Variants in CTNNA1 observed in about 807,000 individuals in gnomAD.
The protein encoded by CTNNA1 is catenin alpha-1.
In CTNNA1, 37 loss-of-function variants were observed where a neutral mutation model predicts 98.4. The observed-to-expected ratio is 0.38, with a 90% CI of 0.29 to 0.49. The LOEUF is 0.49. CTNNA1 is among the 20% of genes least tolerant of loss of function. CTNNA1 has a pLI of 0.95. For synonymous variants in CTNNA1, 404 were observed against 413.2 expected (o/e 0.98, Z 0.27); for missense variants, 761 against 1,147.2 (o/e 0.66, Z 4.86).
At chr5:138,896,734 G>T (rs183977011) in intron 9 of CTNNA1, among the ~76,000 whole-genome samples, 23 of 152,254 alleles carry the variant, frequency 1.5e-4, no homozygotes, top group African/African-American at 5.5e-4. Flanking sequence ...CAAGGCCATG[G>T]TAAGGATAAC....
rs768694121 is a variant in CTNNA1, at chr5:138,873,339, C to T, written c.1063-12873C>T. The T allele has an allele frequency of 1.6e-5, 26 of 1,613,910 alleles. No homozygotes were observed. Among genetic ancestry groups the T allele is most frequent in the Middle Eastern group, 3.3e-4 (2 of 6,084 alleles). ...TTGTCTGGTTCAGGAAAGTGTTCCT[C>T]GGTAGTAACTGCTATGCCTGCAGTA... On this transcript the variant is annotated intron_variant, in intron 7 of 17. Coordinates refer to ENST00000302763, the MANE Select transcript of CTNNA1 (RefSeq NM_001903.5). This position sits in a 1 kb window ranked among gnomAD's most constrained non-coding sequence, Gnocchi z 6.1.
intron 7 of CTNNA1, among the ~76,000 whole-genome samples, chr5:138,850,586 CTT>C (rs1433174411): frequency 6.6e-6 from 1 of 152,068 alleles, no homozygotes; most frequent in East Asian, 1.9e-4. Flanking sequence ...TGTTAGATCT[CTT>C]TATACTTCAT....
intron 9 of CTNNA1, among the ~76,000 whole-genome samples, chr5:138,901,139 G>GCTCCC (rs371374989): frequency 2.6e-5 from 4 of 151,714 alleles, no homozygotes; most frequent in South Asian, 2.1e-4. Flanking sequence ...CTTCTCTTCC[G>GCTCCC]CTCCCCTCCC....
At chr5:138,808,291 G>A (rs1042545124) in intron 3 of CTNNA1, among the ~76,000 whole-genome samples, 2 of 152,074 alleles carry the variant, frequency 1.3e-5, no homozygotes, top group African/African-American at 4.8e-5. Context: ...AGCTCCAGTA[G>A]GGTATGCCCT....
At chr5:138,917,348 A>G (rs1338899811) in intron 10 of CTNNA1, among the ~76,000 whole-genome samples, 1 of 152,246 alleles carries the variant, frequency 6.6e-6, no homozygotes, top group Non-Finnish European at 1.5e-5. Context: ...TTTTAAACAT[A>G]TATTTAATGA....
intron 10 of CTNNA1, among the ~76,000 whole-genome samples, chr5:138,916,416 CAA>C (rs966509055): frequency 6.9e-6 from 1 of 145,622 alleles, no homozygotes; most frequent in East Asian, 2.0e-4. Flanking sequence ...TTTTTGGAGA[CAA>C]GAGTCGTCCT....
intron 10 of CTNNA1, among the ~76,000 whole-genome samples, chr5:138,916,066 C>G (rs145825131): frequency 1.3e-5 from 2 of 151,064 alleles, no homozygotes; most frequent in East Asian, 3.9e-4. Context: ...AACACACACA[C>G]ACACTAAGTG....
At chr5:138,932,523 C>T (rs140954163) in intron 16 of CTNNA1, 55 bp from the exon 17 acceptor site, 26 of 1,600,086 alleles carry the variant, frequency 1.6e-5, no homozygotes, top group Middle Eastern at 1.7e-4. Context: ...GCCGTGGGGT[C>T]GGGGGTGCTT....
chr5:138,924,467 T>C lies in CTNNA1; in HGVS notation c.1547-43T>C, dbSNP rs375700433. On this transcript the variant is annotated intron_variant, in intron 11 of 17. Coordinates refer to ENST00000302763, the MANE Select transcript of CTNNA1 (RefSeq NM_001903.5). ...CCAGCTTACAGTTGCCACCTTTTCA[T>C]AGAAAGCCTCCTTCCTCATTCAACT... 3.2e-4 allele frequency: 518 copies of C among 1,603,000 alleles called. 3 individuals are homozygous for C. Among genetic ancestry groups the C allele is most frequent in the South Asian group, 1.6e-3 (140 of 89,710 alleles).
chr5:138,812,347 A>G lies in CTNNA1; in HGVS notation c.588+45A>G, dbSNP rs28363396. 9.6e-3 allele frequency: 15,140 copies of G among 1,582,918 alleles called. 160 individuals carry two copies. Among genetic ancestry groups the G allele is most frequent in the East Asian group, 0.045 (1,987 of 44,472 alleles). The stretch of plus-strand genomic sequence containing the variant: ...ATATATTAAAGTTGTTCATTTTACT[A>G]TCTAGAGGGAAAAACTCATTCTGTG... On this transcript the variant is annotated intron_variant, in intron 5 of 17. Coordinates refer to ENST00000302763, the MANE Select transcript of CTNNA1 (RefSeq NM_001903.5).
rs1463523487 is a variant in CTNNA1 at position 138,924,640 on chromosome 5, G to A, written c.1677G>A (p.Glu559=). The change falls in exon 12 of 18, where the codon GAG becomes GAA. Residue 559 remains glutamate (E), a synonymous_variant. Coordinates refer to ENST00000302763, the MANE Select transcript of CTNNA1 (RefSeq NM_001903.5). Reference sequence around the variant, plus strand: ...GGGTCATTCACGTAGTCACCTCAGAGATGGACAACTATGAGCCAGGAGTCT... The same window carrying A: ...GGGTCATTCACGTAGTCACCTCAGAAATGGACAACTATGAGCCAGGAGTCT... The part of the protein sequence containing the change: ...AARVIHVVTS[E]MDNYEPGVYT... 2 of 1,611,932 alleles carry A rather than the reference G, an allele frequency of 1.2e-6. No homozygotes were observed. Among genetic ancestry groups the A allele is most frequent in the East Asian group, 2.2e-5 (1 of 44,860 alleles).
chr5:138,810,205 G>T lies in CTNNA1; in HGVS notation c.468+1G>T. 6.2e-7 allele frequency: 1 copy of T among 1,613,756 alleles called. No individual in the cohort carries two copies. The highest frequency in any genetic ancestry group is 8.5e-7 in the Non-Finnish European group (1 of 1,179,646). ...CAAATTACTTGTTCAGCTGAAAGTT[G>T]TAAGTATACAGGCCTATGTCTGTAA... On this transcript the variant is annotated splice_donor_variant, in intron 4 of 17. Transcript: ENST00000302763. LOFTEE classifies it high-confidence loss of function.
intron 7 of CTNNA1, among the ~76,000 whole-genome samples, chr5:138,876,641 A>G (rs1180737033): frequency 1.3e-5 from 2 of 152,224 alleles, no homozygotes; most frequent in Non-Finnish European, 2.9e-5. Flanking sequence ...AAGGACAGAC[A>G]TCTTTAAAAC....
chr5:138,878,904 C>T (rs1343770208), intron 7 of CTNNA1, among the ~76,000 whole-genome samples: 2 of 152,056 alleles, frequency 1.3e-5, no homozygotes, highest in African/African-American at 4.8e-5. Context: ...CTGGCAGTCT[C>T]AATCCCTGCT....
chr5:138,897,294 A>ACCCCCCCCCCCCCCCCCCCCCCCCCCCCC (rs1200145464), intron 9 of CTNNA1, among the ~76,000 whole-genome samples: 4 of 16,394 alleles, frequency 2.4e-4, no homozygotes, highest in Admixed American at 9.5e-4. Context: ...CTCACACCGC[A>ACCCCCCCCCCCCCCCCCCCCCCCCCCCCC]CCCCCCCCCC....
At chr5:138,823,626 G>T (rs921885942) in intron 5 of CTNNA1, among the ~76,000 whole-genome samples, 3 of 152,054 alleles carry the variant, frequency 2.0e-5, no homozygotes, top group African/African-American at 7.2e-5. Flanking sequence ...CATACCTGTG[G>T]CATCCTGTCC....
intron 11 of CTNNA1, among the ~76,000 whole-genome samples, chr5:138,922,139 T>C (rs1387124000): frequency 2.6e-5 from 4 of 152,226 alleles, no homozygotes; most frequent in Non-Finnish European, 5.9e-5. Context: ...ACATCTTTTA[T>C]GGAGAATGCC....
intron 1 of CTNNA1, among the ~76,000 whole-genome samples, chr5:138,761,146 T>C (rs764402980): frequency 6.6e-6 from 1 of 152,240 alleles, no homozygotes; most frequent in South Asian, 2.1e-4. Flanking sequence ...TGTACTCTTA[T>C]ATTCTGTGGA....
chr5:138,798,379 C>T (rs1245280354), intron 3 of CTNNA1, among the ~76,000 whole-genome samples: 2 of 152,224 alleles, frequency 1.3e-5, no homozygotes, highest in East Asian at 3.8e-4. Flanking sequence ...ATTTCATCTA[C>T]ACCAAGTAGT....
Sources: allele counts gnomAD v4.1 joint callset (sites outside exome capture counted in the v4.1 genomes callset), GRCh38; gene constraint gnomAD v4.1.1; non-coding constraint Gnocchi (gnomAD v3.1); transcripts MANE v1.5; gene names NCBI Gene and HGNC (gene_info 2026-07-23, HGNC 2026-07-21).